RANBP2: variants seen among roughly 807,000 people sequenced by gnomAD.
RANBP2 encodes E3 SUMO-protein ligase RanBP2.
Under a neutral mutation model 303.6 loss-of-function variants are expected in RANBP2, and 57 were observed. The ratio of observed to expected loss-of-function variants is 0.19; its 90% confidence interval spans 0.15 to 0.23. The LOEUF (loss-of-function observed/expected upper bound fraction) is 0.23. Ranked by LOEUF, RANBP2 falls within the 10% of genes least tolerant of loss-of-function variation. The pLI, the probability that RANBP2 is intolerant of heterozygous loss-of-function variation, is 1.00. For synonymous variants in RANBP2, 1,167 were observed against 1,301.5 expected (o/e 0.90, Z 2.23); for missense variants, 3,138 against 3,780.8 (o/e 0.83, Z 4.46).
chr2:109,182,094 A>G, the RANBP2 span, among the ~76,000 whole-genome samples: 1 of 152,180 alleles, frequency 6.6e-6, no homozygotes, highest in Non-Finnish European at 1.5e-5. Flanking sequence ...TAATTGCTTC[A>G]CCTGTTGAAG....
chr2:108,888,795 C>G, the RANBP2 span, among the ~76,000 whole-genome samples: 1 of 151,630 alleles, frequency 6.6e-6, no homozygotes. Flanking sequence ...TAAGTCCCTA[C>G]TTTATTTAGT....
chr2:109,092,828 G>T, the RANBP2 span, among the ~76,000 whole-genome samples: 5 of 152,320 alleles, frequency 3.3e-5, no homozygotes, highest in Non-Finnish European at 7.3e-5. Flanking sequence ...TAGCAAATCT[G>T]CTGTACTTTG....
chr2:109,284,286 A>G, the RANBP2 span, among the ~76,000 whole-genome samples: 1 of 152,242 alleles, frequency 6.6e-6, no homozygotes, highest in Admixed American at 6.5e-5. Context: ...TCACTGTATT[A>G]GTAGCCATGA....
chr2:108,943,279 G>A, the RANBP2 span, among the ~76,000 whole-genome samples: 1 of 152,298 alleles, frequency 6.6e-6, no homozygotes, highest in East Asian at 1.9e-4. Context: ...GGTCTGCTCC[G>A]ACTCCAAAGG....
the RANBP2 span, chr2:108,907,823 A>G: frequency 5.6e-6 from 9 of 1,611,144 alleles, no homozygotes; most frequent in Non-Finnish European, 6.8e-6. Flanking sequence ...AGGGAGCCAC[A>G]TCTCACAGCT....
chr2:108,974,742 A>G, the RANBP2 span, among the ~76,000 whole-genome samples: 1 of 152,068 alleles, frequency 6.6e-6, no homozygotes, highest in Non-Finnish European at 1.5e-5. Context: ...AAAAAAAAAG[A>G]TACTATTCCC....
chr2:109,203,263 G>A, the RANBP2 span, among the ~76,000 whole-genome samples: 1 of 152,242 alleles, frequency 6.6e-6, no homozygotes. Flanking sequence ...GATGAGGCAG[G>A]CTGTGTGGCT....
the RANBP2 span, among the ~76,000 whole-genome samples, chr2:109,704,348 G>T: frequency 6.6e-5 from 10 of 152,032 alleles, no homozygotes; most frequent in East Asian, 3.9e-4. Context: ...AGGAGTTTGA[G>T]ACCAGCCAGG....
chr2:109,339,330 A>G, the RANBP2 span, among the ~76,000 whole-genome samples: 70 of 152,268 alleles, frequency 4.6e-4, no homozygotes, highest in African/African-American at 1.5e-3. Flanking sequence ...ATGTATATAT[A>G]GTAAGATGAT....
chr2:109,526,664 G>A, the RANBP2 span, among the ~76,000 whole-genome samples: 8 of 152,250 alleles, frequency 5.3e-5, no homozygotes, highest in Middle Eastern at 3.4e-3. Context: ...GCCCAAGGGT[G>A]GGAGGAAGTG....
the RANBP2 span, among the ~76,000 whole-genome samples, chr2:108,976,989 C>T: frequency 6.6e-6 from 1 of 152,122 alleles, no homozygotes; most frequent in Non-Finnish European, 1.5e-5. Context: ...CTGACAAATG[C>T]TAAGATGAAA....
At chr2:109,248,801 C>G in the RANBP2 span, among the ~76,000 whole-genome samples, 562 of 150,636 alleles carry the variant, frequency 3.7e-3, 1 homozygote, top group South Asian at 6.1e-3. Flanking sequence ...CTTTCTGTCT[C>G]TCTTTCTCTT....
the RANBP2 span, among the ~76,000 whole-genome samples, chr2:109,243,960 G>T: frequency 6.6e-6 from 1 of 152,220 alleles, no homozygotes; most frequent in Non-Finnish European, 1.5e-5. Context: ...TGGGCACTTG[G>T]TGGTTCTGTT....
chr2:109,375,931 G>A, the RANBP2 span, among the ~76,000 whole-genome samples: 5 of 152,234 alleles, frequency 3.3e-5, no homozygotes, highest in Admixed American at 6.5e-5. Flanking sequence ...TACATCACCT[G>A]CACATTGGGG....
chr2:108,773,692 G>A (rs150469452), intron 23 of RANBP2, among the ~76,000 whole-genome samples: 2 of 151,792 alleles, frequency 1.3e-5, no homozygotes, highest in East Asian at 3.9e-4. Flanking sequence ...CTGTCGCCAG[G>A]CTGGAGTGCA....
chr2:109,357,433 G>T, the RANBP2 span, among the ~76,000 whole-genome samples: 29 of 152,198 alleles, frequency 1.9e-4, no homozygotes, highest in African/African-American at 6.0e-4. Context: ...CACCCACCTC[G>T]GCCTCCCAAA....
chr2:108,844,660 A>G, the RANBP2 span, among the ~76,000 whole-genome samples: 6 of 152,118 alleles, frequency 3.9e-5, no homozygotes, highest in African/African-American at 1.2e-4. Flanking sequence ...AAGTTTTAAC[A>G]TCCTTAGGTG....
At chr2:109,242,581 C>T in the RANBP2 span, among the ~76,000 whole-genome samples, 8 of 152,344 alleles carry the variant, frequency 5.3e-5, no homozygotes, top group African/African-American at 2.4e-5. Context: ...TGCCCCAGGC[C>T]GGCCTAGCCC....
At chr2:108,848,724 G>T in the RANBP2 span, among the ~76,000 whole-genome samples, 1 of 152,124 alleles carries the variant, frequency 6.6e-6, no homozygotes, top group African/African-American at 2.4e-5. Flanking sequence ...CAGAGGCTTA[G>T]CCAACTTTAA....
Sources: allele counts gnomAD v4.1 joint callset (sites outside exome capture counted in the v4.1 genomes callset), GRCh38; gene constraint gnomAD v4.1.1; transcripts MANE v1.5; gene names NCBI Gene and HGNC (gene_info 2026-07-23, HGNC 2026-07-21).